Variants in CSMD1 observed in about 807,000 individuals in gnomAD.
CSMD1 encodes the protein CUB and Sushi multiple domains 1, also known as CUB and sushi domain-containing protein 1.
CSMD1 carries 213 observed loss-of-function variants against 417.5 expected under a neutral mutation model. That is an observed-to-expected ratio of 0.51 (90% CI 0.46 to 0.57). The LOEUF is 0.57. CSMD1 is among the 20% of genes least tolerant of loss of function. The pLI is 0.00. For synonymous variants in CSMD1, 2,862 were observed against 1,736.8 expected (o/e 1.65, Z -16.11); for missense variants, 6,923 against 4,529.7 (o/e 1.53, Z -15.17).
chr8:4,427,017 T>C (rs2128944143), intron 2 of CSMD1, among the ~76,000 whole-genome samples: 1 of 152,138 alleles, frequency 6.6e-6, no homozygotes, highest in East Asian at 1.9e-4. Flanking sequence ...TGATCAGTGA[T>C]CATGTCCCCA....
At chr8:3,762,504 G>C (rs1416117442) in intron 5 of CSMD1, among the ~76,000 whole-genome samples, 8 of 152,204 alleles carry the variant, frequency 5.3e-5, no homozygotes, top group African/African-American at 1.7e-4. Context: ...GATAGGCTGA[G>C]GTAGGATGTT....
intron 2 of CSMD1, among the ~76,000 whole-genome samples, chr8:4,435,513 G>T (rs1371247193): frequency 6.6e-6 from 1 of 152,290 alleles, no homozygotes; most frequent in East Asian, 1.9e-4. Context: ...CAGGAAAACT[G>T]AAACCTTAAC....
At chr8:3,902,093 C>G (rs751311602) in intron 5 of CSMD1, among the ~76,000 whole-genome samples, 11 of 152,142 alleles carry the variant, frequency 7.2e-5, no homozygotes, top group Non-Finnish European at 1.2e-4. Flanking sequence ...GTCTTGAAAA[C>G]CAGCCTGAAC....
chr8:4,024,470 T>C (rs1209104025), intron 4 of CSMD1, among the ~76,000 whole-genome samples: 1 of 152,182 alleles, frequency 6.6e-6, no homozygotes, highest in African/African-American at 2.4e-5. Flanking sequence ...GTTAGTAAAG[T>C]TGGGATGAGA....
intron 5 of CSMD1, among the ~76,000 whole-genome samples, chr8:3,884,809 C>A (rs1048173927): frequency 6.6e-6 from 1 of 151,736 alleles, no homozygotes; most frequent in Non-Finnish European, 1.5e-5. Flanking sequence ...TGGTACGCTA[C>A]GCAAGGAGAA....
intron 2 of CSMD1, among the ~76,000 whole-genome samples, chr8:4,627,581 A>C (rs557052395): frequency 1.8e-3 from 271 of 152,264 alleles, no homozygotes; most frequent in Non-Finnish European, 3.1e-3. Context: ...TTTCTTCATG[A>C]AATTTGATTA....
At chr8:4,589,655 C>T (rs1026305516) in intron 2 of CSMD1, among the ~76,000 whole-genome samples, 3 of 152,148 alleles carry the variant, frequency 2.0e-5, no homozygotes, top group Non-Finnish European at 4.4e-5. Flanking sequence ...TGTGTTTGCA[C>T]TGTGAAGACC....
intron 5 of CSMD1, among the ~76,000 whole-genome samples, chr8:3,918,139 A>G (rs1177450657): frequency 1.3e-5 from 2 of 152,048 alleles, no homozygotes; most frequent in African/African-American, 4.8e-5. Context: ...AATTGCTAAT[A>G]CTGCTCCAGT....
intron 2 of CSMD1, among the ~76,000 whole-genome samples, chr8:4,467,608 T>C (rs1343505836): frequency 6.6e-6 from 1 of 152,210 alleles, no homozygotes; most frequent in African/African-American, 2.4e-5. Context: ...GTCAGTGCAT[T>C]ATAACAATTC....
intron 1 of CSMD1, among the ~76,000 whole-genome samples, chr8:4,844,254 T>G (rs780137345): frequency 6.6e-6 from 1 of 152,182 alleles, no homozygotes; most frequent in African/African-American, 2.4e-5. Flanking sequence ...CAGCTAAAAC[T>G]AGCATTTGGG....
chr8:4,963,292 CG>C (rs1214795886), intron 1 of CSMD1, among the ~76,000 whole-genome samples: 2 of 152,154 alleles, frequency 1.3e-5, no homozygotes, highest in Admixed American at 6.5e-5. Flanking sequence ...CCTCCACCTC[CG>C]GGGTTCAAGC....
At chr8:4,214,185 T>C (rs1399711888) in intron 3 of CSMD1, among the ~76,000 whole-genome samples, 1 of 152,202 alleles carries the variant, frequency 6.6e-6, no homozygotes, top group Non-Finnish European at 1.5e-5. Flanking sequence ...CATCTTTACA[T>C]AGGATACGGC....
Position 3,388,896 on chromosome 8 carries a change from TACACACACACACACAC to T in CSMD1, c.2594-1230_2594-1215del, listed in dbSNP as rs6150441. ...TCTACATACACACCACACACATGCATACACACACACACACACACACACACACACACACACACACACA... is the reference window on the plus strand; with the variant it reads ...TCTACATACACACCACACACATGCATACACACACACACACACACACACACA... On this transcript the variant is annotated intron_variant, in intron 17 of 69. Coordinates refer to ENST00000635120, the MANE Select transcript of CSMD1 (RefSeq NM_033225.6). Among the ~76,000 whole-genome samples the T allele has an allele frequency of 6.1e-3, 906 of 147,744 alleles. 9 individuals carry two copies. The highest frequency in any genetic ancestry group is 0.019 in the African/African-American group (766 of 40,162).
intron 1 of CSMD1, among the ~76,000 whole-genome samples, chr8:4,854,172 T>G (rs560641636): frequency 6.6e-6 from 1 of 152,278 alleles, no homozygotes; most frequent in South Asian, 2.1e-4. Context: ...GATTCTATTT[T>G]GCAATGTGAG....
At chr8:4,451,246 G>C (rs1294737534) in intron 2 of CSMD1, among the ~76,000 whole-genome samples, 1 of 152,108 alleles carries the variant, frequency 6.6e-6, no homozygotes, top group Non-Finnish European at 1.5e-5. Flanking sequence ...AGGGAAGATG[G>C]CTTGAGCCCA....
At chr8:3,377,007 G>C (rs1810348717) in intron 18 of CSMD1, among the ~76,000 whole-genome samples, 1 of 152,134 alleles carries the variant, frequency 6.6e-6, no homozygotes, top group Admixed American at 6.6e-5. Context: ...TGTAGATTTA[G>C]TAATAGCTCT....
chr8:3,495,388 G>A (rs911879931), intron 10 of CSMD1, among the ~76,000 whole-genome samples: 2 of 151,914 alleles, frequency 1.3e-5, no homozygotes, highest in Admixed American at 6.6e-5. Flanking sequence ...TGTCATGTTT[G>A]GCTGATTTGC....
intron 5 of CSMD1, among the ~76,000 whole-genome samples, chr8:3,978,967 C>A (rs1476579492): frequency 3.3e-5 from 5 of 152,184 alleles, no homozygotes; most frequent in Admixed American, 3.3e-4. Flanking sequence ...TTTTACACTG[C>A]CTCCTAGAAG....
At chr8:4,001,654 C>G (rs1406596983) in intron 4 of CSMD1, among the ~76,000 whole-genome samples, 1 of 152,114 alleles carries the variant, frequency 6.6e-6, no homozygotes, top group East Asian at 1.9e-4. Context: ...ATCTTAGACA[C>G]TTACTATCTA....
Sources: gnomAD v4.1 joint callset for allele counts (sites outside exome capture counted in the v4.1 genomes callset) on GRCh38, gnomAD v4.1.1 for gene constraint, MANE v1.5 for transcripts, NCBI Gene and HGNC (gene_info 2026-07-23, HGNC 2026-07-21) for gene names.